Variants in SAMHD1 observed in about 807,000 individuals in gnomAD.
SAMHD1 encodes the protein SAM and HD domain containing deoxynucleoside triphosphate triphosphohydrolase 1, also known as deoxynucleoside triphosphate triphosphohydrolase SAMHD1.
A neutral mutation model predicts 79.6 loss-of-function variants in SAMHD1; 54 were observed. The observed-to-expected ratio is 0.68, with a 90% CI of 0.55 to 0.85. SAMHD1 has a LOEUF of 0.85. Ranked by LOEUF, SAMHD1 falls within the 40% of genes least tolerant of loss-of-function variation. The probability of loss-of-function intolerance (pLI) is 0.00; values close to 1 mark genes in which losing one functional copy is unlikely to be tolerated. For missense variants in SAMHD1, 663 were observed against 782.7 expected (o/e 0.85, Z 1.82); for synonymous variants, 260 against 264.1 (o/e 0.98, Z 0.15).
chr20:36,935,473 A>C, intron 3 of SAMHD1: 1 of 422,210 alleles, frequency 2.4e-6, no homozygotes, highest in Non-Finnish European at 4.3e-6. Flanking sequence ...AGTCTTTAAT[A>C]AGTTTGTCTT....
chr20:36,911,016 A>T (rs574949561), intron 11 of SAMHD1, among the ~76,000 whole-genome samples: 1 of 152,256 alleles, frequency 6.6e-6, no homozygotes, highest in South Asian at 2.1e-4. Context: ...GCACTTTGGG[A>T]GTCAAGGCAG....
chr20:36,946,760 G>T lies in SAMHD1; in HGVS notation c.253C>A (p.Arg85Ser). 1 of 1,612,788 alleles carries T rather than the reference G, an allele frequency of 6.2e-7. No homozygotes were observed. Among genetic ancestry groups the T allele is most frequent in the Non-Finnish European group, 8.5e-7 (1 of 1,179,108 alleles). The stretch of plus-strand genomic sequence containing the variant: ...TACCTTACTCCAAGATTTTCAAAAC[G>T]AGACTCATCAAGACAAGGCAGTAAT... Reference protein sequence around the residue: ...GALLPCLDESRFENLGVSSLG... With the variant: ...GALLPCLDESSFENLGVSSLG... Residue 85 changes from arginine to serine, a missense_variant, in exon 2 of 16, where the codon CGT becomes AGT. Transcript: ENST00000646673.
At chr20:36,906,047 A>G (rs1317396959) in intron 11 of SAMHD1, among the ~76,000 whole-genome samples, 1 of 151,998 alleles carries the variant, frequency 6.6e-6, no homozygotes, top group Non-Finnish European at 1.5e-5. Flanking sequence ...AAGGATAGAG[A>G]GAAATAAGAC....
chr20:36,925,629 T>G (rs1185611178), intron 6 of SAMHD1, among the ~76,000 whole-genome samples: 1 of 152,180 alleles, frequency 6.6e-6, no homozygotes, highest in Non-Finnish European at 1.5e-5. Context: ...ACATAAAGAA[T>G]TCCTACAACT....
At chr20:36,937,858 T>G (rs2063614822) in intron 3 of SAMHD1, among the ~76,000 whole-genome samples, 1 of 111,814 alleles carries the variant, frequency 8.9e-6, no homozygotes, top group Non-Finnish European at 1.7e-5. Context: ...CAATGTTGGT[T>G]TGTTTTTTTT....
chr20:36,926,027 ATAATG>A (rs2063533957), intron 6 of SAMHD1, among the ~76,000 whole-genome samples: 2 of 152,318 alleles, frequency 1.3e-5, no homozygotes, highest in Admixed American at 1.3e-4. Context: ...TTTTTATAAA[ATAATG>A]TATTTCTGCT....
Position 36,904,237 on chromosome 20 carries a change from A to G in SAMHD1, c.1423T>C (p.Ser475Pro), listed in dbSNP as rs748157180. ...QIKIKREDYE[S>P]LPKEVASAKP... Reference sequence around the variant, plus strand: ...GCACTGGCAACCTCTTTTGGAAGAGATTCATAGTCCTCCTGGAAAACACAA... The same window carrying G: ...GCACTGGCAACCTCTTTTGGAAGAGGTTCATAGTCCTCCTGGAAAACACAA... The change falls in exon 13 of 16, where the codon TCT (serine) becomes CCT (proline). Residue 475 changes from serine (S) to proline (P), a missense_variant. Ser to Pro is a moderately conservative substitution (Grantham distance 74). Transcript: ENST00000646673. The G allele has an allele frequency of 4.3e-6, 7 of 1,611,622 alleles. No homozygotes were observed. The highest frequency in any genetic ancestry group is 5.9e-6 in the Non-Finnish European group (7 of 1,177,908).
rs1315448577 is a variant in SAMHD1, at chr20:36,904,238, T to C, written c.1422A>G (p.Glu474=). 1.6e-5 allele frequency: 25 copies of C among 1,611,462 alleles called. No homozygotes were observed. The highest frequency in any genetic ancestry group is 2.1e-5 in the Non-Finnish European group (25 of 1,177,732). Reference sequence around the variant, plus strand: ...CACTGGCAACCTCTTTTGGAAGAGATTCATAGTCCTCCTGGAAAACACAAG... The same window carrying C: ...CACTGGCAACCTCTTTTGGAAGAGACTCATAGTCCTCCTGGAAAACACAAG... ...GQIKIKREDY[E]SLPKEVASAK... is the part of the protein sequence containing the mutation. Residue 474 remains glutamate (E), a synonymous_variant, in exon 13 of 16, where the codon GAA becomes GAG. Coordinates refer to ENST00000646673, the MANE Select transcript of SAMHD1 (RefSeq NM_015474.4).
At chr20:36,901,702 C>T (rs1197896810) in intron 13 of SAMHD1, among the ~76,000 whole-genome samples, 2 of 152,072 alleles carry the variant, frequency 1.3e-5, no homozygotes, top group Non-Finnish European at 2.9e-5. Context: ...CATCACTGCA[C>T]TCCAGCCTGG....
chr20:36,933,157 T>C (rs2063578511), intron 4 of SAMHD1, among the ~76,000 whole-genome samples: 1 of 152,172 alleles, frequency 6.6e-6, no homozygotes, highest in Non-Finnish European at 1.5e-5. Context: ...ATGTTGTGCC[T>C]AACTAAAAAT....
At chr20:36,899,048 T>C (rs1244911891) in intron 13 of SAMHD1, among the ~76,000 whole-genome samples, 1 of 151,694 alleles carries the variant, frequency 6.6e-6, no homozygotes, top group African/African-American at 2.4e-5. Flanking sequence ...GGTATTGAAA[T>C]CTGGGAAGAA....
chr20:36,908,325 C>T (rs200831883), intron 11 of SAMHD1, among the ~76,000 whole-genome samples: 1 of 151,926 alleles, frequency 6.6e-6, no homozygotes, highest in Non-Finnish European at 1.5e-5. Context: ...TCACTGCAAC[C>T]CCGGCCTCCT....
Position 36,948,413 on chromosome 20 carries a change from C to T in SAMHD1, c.209-1609G>A, listed in dbSNP as rs1351594472. On this transcript the variant is annotated intron_variant, in intron 1 of 15. Transcript: ENST00000646673. ...GACTACAGGCACATACCACCATGCC[C>T]GGCTAATTTTTGTATTTTTAGTAGA... 3.9e-5 allele frequency among the ~76,000 whole-genome samples: 6 copies of T among 152,092 alleles called. No homozygotes were observed. The East Asian group carries it at 5.9e-4, about 15-fold the overall frequency.
At position 36,935,111 on chromosome 20, in the gene SAMHD1, G is replaced by A. The variant is rs387906948; in HGVS notation, c.427C>T (p.Arg143Cys). ...CCCAGCTGTTTGATGTATCGAAGAC[G>A]TTGAAATTGAGGTGTATCAATGATT... ...VRIIDTPQFQ[R>C]LRYIKQLGGG... Residue 143 changes from arginine to cysteine, a missense_variant, in exon 4 of 16, where the codon CGT becomes TGT. Transcript: ENST00000646673. 37 of 1,613,866 alleles carry A rather than the reference G, an allele frequency of 2.3e-5. No homozygotes were observed. The highest frequency in any genetic ancestry group is 3.0e-5 in the Non-Finnish European group (35 of 1,179,760).
rs35505370 is a variant in SAMHD1 at position 36,910,222 on chromosome 20, CA to C, written c.1270+995del. Among the ~76,000 whole-genome samples the C allele has an allele frequency of 1.3e-3, 155 of 121,878 alleles. 1 individual carries two copies. The highest frequency in any genetic ancestry group is 4.2e-3 in the Middle Eastern group (1 of 236). 80.0% of individuals were successfully genotyped at this position (121,878 alleles called of 152,430 possible). On this transcript the variant is annotated intron_variant, in intron 11 of 15. Transcript: ENST00000646673. Reference sequence around the variant, plus strand: ...TGGGCGACAGAGCAAGACTCCGTATCAAAAAAAAAAAAAAAAATTCCCAGGT... The same window carrying C: ...TGGGCGACAGAGCAAGACTCCGTATCAAAAAAAAAAAAAAAATTCCCAGGT...
chr20:36,904,215 C>T lies in SAMHD1; in HGVS notation c.1445G>A (p.Ser482Asn), dbSNP rs373079404. 2.4e-5 allele frequency: 39 copies of T among 1,613,800 alleles called. No individual in the cohort carries two copies. The East Asian group carries it at 4.9e-4, about 20-fold the overall frequency. The change falls in exon 13 of 16, where the codon AGT (serine) becomes AAT (asparagine). Residue 482 changes from serine (S) to asparagine (N), a missense_variant. Physicochemically the swap from Ser to Asn is conservative, Grantham distance 46. Transcript: ENST00000646673. Reference sequence around the variant, plus strand: ...GTCTAGCAATACTTTGGGTTTAGCACTGGCAACCTCTTTTGGAAGAGATTC... The same window carrying T: ...GTCTAGCAATACTTTGGGTTTAGCATTGGCAACCTCTTTTGGAAGAGATTC... ...DYESLPKEVA[S>N]AKPKVLLDVK... is the part of the protein sequence containing the mutation.
intron 2 of SAMHD1, 125 bp from the exon 3 acceptor site, chr20:36,941,236 C>A: frequency 1.4e-6 from 1 of 725,888 alleles, no homozygotes; most frequent in South Asian, 1.5e-5. Flanking sequence ...AAGGAACAAT[C>A]AATAATTCAA....
Position 36,912,497 on chromosome 20 carries a change from G to C in SAMHD1, c.1118C>G (p.Ala373Gly). Residue 373 changes from alanine (A) to glycine (G), a missense_variant, in exon 10 of 16, where the codon GCT becomes GGT. Coordinates refer to ENST00000646673, the MANE Select transcript of SAMHD1 (RefSeq NM_015474.4). ...AATGTTGCCAACTTTGTGTTGATAA[G>C]CTCTACGGTGTAAAGAGTTGCGAGT... ...FHTRNSLHRR[A>G]YQHKVGNIID... is the part of the protein sequence containing the mutation. 1 of 1,613,204 alleles carries C rather than the reference G, an allele frequency of 6.2e-7. No homozygotes were observed. Among genetic ancestry groups the C allele is most frequent in the Non-Finnish European group, 8.5e-7 (1 of 1,179,276 alleles).
Position 36,951,701 on chromosome 20 carries a change from G to A in SAMHD1, c.-58C>T. The A allele has an allele frequency of 6.2e-7, 1 of 1,608,554 alleles. No homozygotes were observed. Among genetic ancestry groups the A allele is most frequent in the Non-Finnish European group, 8.5e-7 (1 of 1,179,782 alleles). On this transcript the variant is annotated 5_prime_UTR_variant, in exon 1 of 16. Transcript: ENST00000646673. Reference sequence around the variant, plus strand: ...AACCTCGGCGCCGGACCCGCGCGCAGGCGCACTGACAGCAGGGCCCTGGCG... The same window carrying A: ...AACCTCGGCGCCGGACCCGCGCGCAAGCGCACTGACAGCAGGGCCCTGGCG...
Sources: allele counts gnomAD v4.1 joint callset (sites outside exome capture counted in the v4.1 genomes callset), GRCh38; gene constraint gnomAD v4.1.1; transcripts MANE v1.5; gene names NCBI Gene and HGNC (gene_info 2026-07-23, HGNC 2026-07-21).